The following TTC3 variants were observed in gnomAD, a reference collection of about 807,000 sequenced individuals.
The protein encoded by TTC3 is E3 ubiquitin-protein ligase TTC3.
TTC3 carries 180 observed loss-of-function variants against 249.6 expected under a neutral mutation model. The ratio of observed to expected loss-of-function variants is 0.72; its 90% CI spans 0.64 to 0.82. TTC3 has a LOEUF of 0.82. Among genes scored for constraint, TTC3 ranks in the 40% least tolerant of loss-of-function variants. The pLI, the probability that TTC3 is intolerant of heterozygous loss-of-function variation, is 0.00. For missense variants in TTC3, 2,061 were observed against 2,398.4 expected, an observed-to-expected ratio of 0.86 and a Z score of 2.94; for synonymous variants, 717 against 805.0, an observed-to-expected ratio of 0.89 and a Z score of 1.85.
intron 39 of TTC3, among the ~76,000 whole-genome samples, chr21:37,190,142 T>C (rs997285105): frequency 0.029 from 3,639 of 124,382 alleles, 195 homozygotes; most frequent in African/African-American, 0.1. Context: ...TTTTTTTTTT[T>C]TTTTTTTTTT....
chr21:37,122,986 G>A (rs780522640), exon 13 of TTC3: 2 of 1,613,698 alleles, frequency 1.2e-6, no homozygotes, highest in South Asian at 2.2e-5. Flanking sequence ...TTTATAGGTC[G>A]AACAGCAAAT....
intron 33 of TTC3, 57 bp from the exon 34 acceptor site, chr21:37,167,497 GC>G: frequency 7.4e-7 from 1 of 1,357,314 alleles, no homozygotes; most frequent in Non-Finnish European, 1.0e-6. Context: ...TACTTGATGG[GC>G]TTATTTTACT....
intron 36 of TTC3, among the ~76,000 whole-genome samples, chr21:37,185,293 A>G (rs943022185): frequency 4.6e-5 from 7 of 152,226 alleles, no homozygotes; most frequent in African/African-American, 1.2e-4. Context: ...GTGTGCATGA[A>G]TGCTTGTTTT....
intron 45 of TTC3, among the ~76,000 whole-genome samples, chr21:37,201,086 G>A (rs1222010853): frequency 6.6e-6 from 1 of 152,228 alleles, no homozygotes; most frequent in African/African-American, 2.4e-5. Context: ...CCAAGGGATG[G>A]GCTAAGAATG....
intron 11 of TTC3, among the ~76,000 whole-genome samples, chr21:37,120,781 G>A (rs1053241610): frequency 1.3e-5 from 2 of 152,116 alleles, no homozygotes; most frequent in African/African-American, 4.8e-5. Flanking sequence ...AATTGTTTCT[G>A]GCTTCTTGTA....
Position 37,144,425 on chromosome 21 carries a change from A to G in TTC3, c.1773-100A>G, listed in dbSNP as rs967922571. 6.6e-6 allele frequency: 9 copies of G among 1,363,924 alleles called. No individual in the cohort carries two copies. The African/African-American group carries it at 8.8e-5, about 13-fold the overall frequency. 84.5% of individuals were successfully genotyped at this position (1,363,924 alleles called of 1,614,324 possible). ...ATATTGCTGTTCAGTGATTCATCAA[A>G]TGTATTCGTCCCAGTAAGCTTGAGA... On this transcript the variant is annotated intron_variant, in intron 20 of 45. Coordinates refer to ENST00000355666, the Ensembl canonical transcript of TTC3.
chr21:37,172,607 C>T (rs752291789), exon 35 of TTC3: 17 of 1,607,140 alleles, frequency 1.1e-5, no homozygotes, highest in South Asian at 4.5e-5. Context: ...GGAAATTTCA[C>T]GGATTGAAAA....
chr21:37,107,541 A>C (rs1042007516), intron 10 of TTC3, among the ~76,000 whole-genome samples: 1 of 152,226 alleles, frequency 6.6e-6, no homozygotes, highest in African/African-American at 2.4e-5. Flanking sequence ...ATCTAATTTA[A>C]TATCTACCTC....
chr21:37,162,204 A>C, intron 31 of TTC3, 141 bp downstream of exon 31: 1 of 521,400 alleles, frequency 1.9e-6, no homozygotes, highest in Admixed American at 3.4e-5. Flanking sequence ...AACCTGATGT[A>C]ATTCCATCTT....
At chr21:37,121,634 T>C (rs1194790134) in intron 11 of TTC3, among the ~76,000 whole-genome samples, 183 bp from the exon 12 acceptor site, 1 of 152,240 alleles carries the variant, frequency 6.6e-6, no homozygotes. Flanking sequence ...AACTTTTCAC[T>C]TAGCTCATTA....
intron 35 of TTC3, among the ~76,000 whole-genome samples, chr21:37,177,366 CT>C (rs1212574616): frequency 6.6e-6 from 1 of 152,150 alleles, no homozygotes; most frequent in Non-Finnish European, 1.5e-5. Context: ...GGAAGATAGA[CT>C]TTGCCTCCTT....
chr21:37,186,682 C>T (rs1475558188), intron 37 of TTC3, among the ~76,000 whole-genome samples: 1 of 152,224 alleles, frequency 6.6e-6, no homozygotes, highest in African/African-American at 2.4e-5. Context: ...CTGCCTTGGC[C>T]TCCCAAAGTA....
intron 36 of TTC3, among the ~76,000 whole-genome samples, chr21:37,183,397 G>A (rs2082934966): frequency 6.6e-6 from 1 of 152,198 alleles, no homozygotes; most frequent in Non-Finnish European, 1.5e-5. Flanking sequence ...GGTGGGCCAA[G>A]AGTGTGTTTT....
chr21:37,119,308 G>A lies in TTC3; in HGVS notation c.901-2509G>A, dbSNP rs942583840. ...AACTTTTCTGAGTACTCTACTTGAA[G>A]TAGAGAATTCACCCCATGAATTATG... is the stretch of plus-strand genomic sequence containing the variant. On this transcript the variant is annotated intron_variant, in intron 11 of 45. Transcript: ENST00000355666. Among the ~76,000 whole-genome samples, 6 of 152,292 alleles carry A rather than the reference G, an allele frequency of 3.9e-5. No individual in the cohort carries two copies. The East Asian group carries it at 1.2e-3, about 29-fold the overall frequency.
At chr21:37,164,895 A>G (rs2081111593) in intron 32 of TTC3, among the ~76,000 whole-genome samples, 1 of 152,202 alleles carries the variant, frequency 6.6e-6, no homozygotes, top group Admixed American at 6.5e-5. Context: ...TGTCAGTAGC[A>G]TATCCACCAT....
chr21:37,110,366 A>G (rs2075542499), intron 11 of TTC3, among the ~76,000 whole-genome samples: 1 of 152,220 alleles, frequency 6.6e-6, no homozygotes, highest in Admixed American at 6.5e-5. Flanking sequence ...TCCTTAAAGG[A>G]CCTGATGGAG....
exon 46 of TTC3, chr21:37,202,622 T>TA (rs2085598847): frequency 6.6e-6 from 1 of 152,274 alleles, no homozygotes; most frequent in Non-Finnish European, 1.5e-5. Context: ...AACAAAACTG[T>TA]AACTGCATTA....
Position 37,197,710 on chromosome 21 carries a change from A to G in TTC3, c.5706+14A>G, listed in dbSNP as rs1400455629. On this transcript the variant is annotated intron_variant, in intron 43 of 45. Transcript: ENST00000355666. ...AAAAAGAAAAAGGTATTTTATCTAG[A>G]TGTTCCAGTTTATCCTTATTTATTT... 12 of 1,582,908 alleles carry G rather than the reference A, an allele frequency of 7.6e-6. No individual in the cohort carries two copies. The highest frequency in any genetic ancestry group is 4.1e-5 in the African/African-American group (3 of 73,026).
At chr21:37,192,917 G>A (rs544681738) in intron 41 of TTC3, among the ~76,000 whole-genome samples, 3 of 152,226 alleles carry the variant, frequency 2.0e-5, no homozygotes, top group Non-Finnish European at 2.9e-5. Flanking sequence ...GACATAGATA[G>A]ATGCTTAGTA....
Sources: gnomAD v4.1 joint callset for allele counts (sites outside exome capture counted in the v4.1 genomes callset) on GRCh38, gnomAD v4.1.1 for gene constraint, MANE v1.5 for transcripts, NCBI Gene and HGNC (gene_info 2026-07-23, HGNC 2026-07-21) for gene names.